Variants in USP34 observed in about 807,000 individuals in gnomAD.
USP34 encodes ubiquitin carboxyl-terminal hydrolase 34.
USP34 carries 70 observed loss-of-function variants against 460.3 expected under a neutral mutation model. The observed-to-expected ratio is 0.15, with a 90% CI of 0.13 to 0.19. USP34 has a LOEUF of 0.19. Among genes scored for constraint, USP34 ranks in the 10% least tolerant of loss-of-function variants. The probability of loss-of-function intolerance (pLI) is 1.00; values close to 1 mark genes in which losing one functional copy is unlikely to be tolerated. For synonymous variants in USP34, 1,647 were observed against 1,405.3 expected, an observed-to-expected ratio of 1.17 and a Z score of -3.85; for missense variants, 3,985 against 4,236.2, an observed-to-expected ratio of 0.94 and a Z score of 1.65.
chr2:61,387,720 C>A (rs1693201906), intron 5 of USP34, among the ~76,000 whole-genome samples: 1 of 144,014 alleles, frequency 6.9e-6, no homozygotes, highest in Non-Finnish European at 1.5e-5. Context: ...TATATTTTTA[C>A]GTATACACAC....
intron 3 of USP34, 76 bp downstream of exon 3, chr2:61,405,632 A>G (rs1176106875): frequency 4.6e-6 from 6 of 1,297,488 alleles, no homozygotes; most frequent in Non-Finnish European, 6.3e-6. Context: ...AACTGTCTTC[A>G]TATTTATCAG....
At chr2:61,350,816 G>T (rs1691922431) in intron 10 of USP34, 123 bp from the exon 11 acceptor site, 10 of 883,664 alleles carry the variant, frequency 1.1e-5, no homozygotes, top group Non-Finnish European at 1.5e-5. Flanking sequence ...TAATATGACG[G>T]TAAAATGCTA....
chr2:61,367,370 G>A (rs1558553013), intron 10 of USP34, among the ~76,000 whole-genome samples: 2 of 152,162 alleles, frequency 1.3e-5, no homozygotes, highest in South Asian at 2.1e-4. Flanking sequence ...GCTCGTGTCT[G>A]TAGTTTCAGC....
chr2:61,388,986 T>G (rs1056519148), intron 5 of USP34, among the ~76,000 whole-genome samples: 1 of 152,022 alleles, frequency 6.6e-6, no homozygotes, highest in Non-Finnish European at 1.5e-5. Flanking sequence ...TGAACATACA[T>G]GCAATATAAA....
At chr2:61,371,480 TAAG>T (rs1370528847) in intron 8 of USP34, among the ~76,000 whole-genome samples, 3 of 149,034 alleles carry the variant, frequency 2.0e-5, no homozygotes, top group East Asian at 2.0e-4. Context: ...GCTCACAGAA[TAAG>T]AATATAAAGA....
chr2:61,430,049 A>G (rs750687655), intron 1 of USP34, among the ~76,000 whole-genome samples: 13 of 152,078 alleles, frequency 8.5e-5, no homozygotes, highest in Non-Finnish European at 1.3e-4. Context: ...CCCCGTCTCT[A>G]CTAAAAATAC....
chr2:61,381,955 G>A (rs1350635664), intron 6 of USP34, among the ~76,000 whole-genome samples: 1 of 152,088 alleles, frequency 6.6e-6, no homozygotes, highest in African/African-American at 2.4e-5. Context: ...ATTGAGGAGG[G>A]GGGGTGCTGA....
chr2:61,332,100 G>T (rs1387162347), intron 19 of USP34, among the ~76,000 whole-genome samples: 1 of 152,028 alleles, frequency 6.6e-6, no homozygotes, highest in Non-Finnish European at 1.5e-5. Context: ...AAGACTTTGG[G>T]TTTGAAGGCA....
intron 68 of USP34, 109 bp from the exon 69 acceptor site, chr2:61,212,038 T>C (rs1687284481): frequency 1.6e-6 from 2 of 1,290,192 alleles, no homozygotes; most frequent in Admixed American, 3.3e-5. Flanking sequence ...ACAAATAAGC[T>C]AGATTATACT....
chr2:61,275,489 T>C (rs1020053356), intron 41 of USP34, among the ~76,000 whole-genome samples: 1 of 152,008 alleles, frequency 6.6e-6, no homozygotes, highest in Admixed American at 6.6e-5. Flanking sequence ...CTGGGTGTGA[T>C]GGCGTATGCC....
chr2:61,393,644 G>A, intron 5 of USP34, among the ~76,000 whole-genome samples: 1 of 152,014 alleles, frequency 6.6e-6, no homozygotes, highest in East Asian at 1.9e-4. Flanking sequence ...AAAATATTTG[G>A]TTGAGTCACT....
chr2:61,379,214 A>G (rs1692898992), intron 7 of USP34, among the ~76,000 whole-genome samples: 1 of 152,142 alleles, frequency 6.6e-6, no homozygotes, highest in Non-Finnish European at 1.5e-5. Context: ...TACCAAAACA[A>G]AACAAAACAA....
intron 57 of USP34, among the ~76,000 whole-genome samples, chr2:61,233,680 C>T (rs1687981200): frequency 6.6e-6 from 1 of 151,850 alleles, no homozygotes; most frequent in Non-Finnish European, 1.5e-5. Flanking sequence ...AAAAAATTAG[C>T]TGAGTGTGTT....
chr2:61,262,653 G>A (rs767992174), intron 43 of USP34, among the ~76,000 whole-genome samples: 1 of 152,078 alleles, frequency 6.6e-6, no homozygotes, highest in African/African-American at 2.4e-5. Context: ...ACATGCTTGT[G>A]GATGTGTCTT....
intron 25 of USP34, among the ~76,000 whole-genome samples, chr2:61,314,245 T>G (rs964010426): frequency 1.3e-5 from 2 of 152,058 alleles, no homozygotes; most frequent in Non-Finnish European, 2.9e-5. Flanking sequence ...GTAAGAGTTT[T>G]AGAGAAACTT....
intron 1 of USP34, among the ~76,000 whole-genome samples, chr2:61,435,594 A>G (rs1295472575): frequency 1.3e-5 from 2 of 152,234 alleles, no homozygotes; most frequent in African/African-American, 4.8e-5. Flanking sequence ...GAAATGCTCA[A>G]GAATTTCATA....
intron 8 of USP34, among the ~76,000 whole-genome samples, chr2:61,376,950 G>A (rs1692816806): frequency 6.6e-6 from 1 of 152,162 alleles, no homozygotes; most frequent in Non-Finnish European, 1.5e-5. Flanking sequence ...GCACAGAGCT[G>A]TAGCTTTATA....
In USP34 at chr2:61,236,206, G is replaced by A; in HGVS notation, c.6873C>T (p.Pro2291=). 6.2e-7 allele frequency: 1 copy of A among 1,612,018 alleles called. No individual in the cohort carries two copies. The highest frequency in any genetic ancestry group is 8.5e-7 in the Non-Finnish European group (1 of 1,179,220). The change falls in exon 55 of 80, where the codon CCC becomes CCT. Residue 2291 remains proline, a synonymous_variant. Coordinates refer to ENST00000398571, the MANE Select transcript of USP34 (RefSeq NM_014709.4). The part of the protein sequence containing the change: ...GFMWQLCSCI[P]STLPDPKAVS... ...CAGCTTTAGGATCTGGTAATGTACT[G>A]GGAATACAACTACACAATTGCCACA...
chr2:61,430,584 C>T (rs1428449088), intron 1 of USP34, among the ~76,000 whole-genome samples: 1 of 152,108 alleles, frequency 6.6e-6, no homozygotes, highest in Non-Finnish European at 1.5e-5. Flanking sequence ...AATGAATAAA[C>T]ACATACCCTT....
Sources: allele counts gnomAD v4.1 joint callset (sites outside exome capture counted in the v4.1 genomes callset), GRCh38; gene constraint gnomAD v4.1.1; transcripts MANE v1.5; gene names NCBI Gene and HGNC (gene_info 2026-07-23, HGNC 2026-07-21).